Variants in FGF12 observed in about 807,000 individuals in gnomAD.
The protein encoded by FGF12 is fibroblast growth factor 12.
FGF12 carries 14 observed loss-of-function variants against 23.6 expected under a neutral mutation model. The observed-to-expected ratio is 0.59, with a 90% CI of 0.39 to 0.93. FGF12 has a LOEUF of 0.93. Among genes scored for constraint, FGF12 ranks in the 40% least tolerant of loss-of-function variants. The pLI is 0.00. For missense variants in FGF12, 175 were observed against 217.8 expected, an observed-to-expected ratio of 0.80 and a Z score of 1.24; for synonymous variants, 62 against 77.3, an observed-to-expected ratio of 0.80 and a Z score of 1.04.
chr3:192,393,296 G>A (rs77478493), intron 2 of FGF12, among the ~76,000 whole-genome samples: 1,661 of 152,290 alleles, frequency 0.011, 31 homozygotes, highest in African/African-American at 0.037. Context: ...CAGTAAACTA[G>A]CCAGTGATTC....
rs536030003 is a variant in FGF12, at chr3:192,170,926, T to C, written c.229-270A>G. Among the ~76,000 whole-genome samples, 382 of 152,334 alleles carry C rather than the reference T, an allele frequency of 2.5e-3. 1 individual carries two copies. Among genetic ancestry groups the C allele is most frequent in the Non-Finnish European group, 4.8e-3 (329 of 68,022 alleles). On this transcript the variant is annotated intron_variant, in intron 4 of 5. Coordinates refer to ENST00000445105, the MANE Select transcript of FGF12 (RefSeq NM_004113.6). ...AATCATTCAGGACTGTGGCCAAGTC[T>C]GCGCTCCGATCCTAGCAATATGTTT... is the stretch of plus-strand genomic sequence containing the variant.
chr3:192,447,163 G>C (rs1297759777), intron 2 of FGF12, among the ~76,000 whole-genome samples: 2 of 152,180 alleles, frequency 1.3e-5, no homozygotes, highest in Non-Finnish European at 2.9e-5. Flanking sequence ...CCACTCATTT[G>C]TTGCTGTGTT....
Position 192,170,445 on chromosome 3 carries a change from G to A in FGF12, c.427+13C>T. On this transcript the variant is annotated intron_variant, in intron 5 of 5. Coordinates refer to ENST00000445105, the MANE Select transcript of FGF12 (RefSeq NM_004113.6). Reference sequence around the variant, plus strand: ...GATAAGGGTCCAACAAAGACAGTCAGTTGGTTTCATACCTTCAATAGGTTT... The same window carrying A: ...GATAAGGGTCCAACAAAGACAGTCAATTGGTTTCATACCTTCAATAGGTTT... The A allele has an allele frequency of 6.2e-7, 1 of 1,611,820 alleles. No homozygotes were observed. Among genetic ancestry groups the A allele is most frequent in the Non-Finnish European group, 8.5e-7 (1 of 1,178,178 alleles).
intron 3 of FGF12, among the ~76,000 whole-genome samples, chr3:192,338,534 T>C (rs916105996): frequency 5.9e-5 from 9 of 152,138 alleles, no homozygotes; most frequent in African/African-American, 2.2e-4. Flanking sequence ...CATAAAGGTG[T>C]CCTTTGTGCC....
At chr3:192,162,233 A>G (rs1013203415) in intron 5 of FGF12, among the ~76,000 whole-genome samples, 1 of 152,100 alleles carries the variant, frequency 6.6e-6, no homozygotes, top group African/African-American at 2.4e-5. Context: ...TCACACCTGA[A>G]TTAATGTTAC....
At chr3:192,543,988 A>G (rs1725435293) in intron 2 of FGF12, among the ~76,000 whole-genome samples, 1 of 152,168 alleles carries the variant, frequency 6.6e-6, no homozygotes, top group Non-Finnish European at 1.5e-5. Flanking sequence ...TGGGGAACGG[A>G]TAGTGCAAGC....
At chr3:192,604,857 T>C (rs4624516) in intron 2 of FGF12, among the ~76,000 whole-genome samples, 22,958 of 152,038 alleles carry the variant, frequency 0.15, 1,766 homozygotes, top group Middle Eastern at 0.19. Flanking sequence ...ACAAAGCAGA[T>C]ATAGACCAAT....
chr3:192,524,705 G>A (rs1724900289), intron 2 of FGF12, among the ~76,000 whole-genome samples: 2 of 152,146 alleles, frequency 1.3e-5, no homozygotes, highest in African/African-American at 2.4e-5. Flanking sequence ...CACATACCAG[G>A]CAAAAGGCAC....
intron 4 of FGF12, among the ~76,000 whole-genome samples, chr3:192,249,810 G>A (rs1280433362): frequency 2.0e-5 from 3 of 152,142 alleles, no homozygotes; most frequent in Non-Finnish European, 2.9e-5. Context: ...TGAACAATGA[G>A]GCAATCATTA....
At chr3:192,169,884 G>C in intron 5 of FGF12, among the ~76,000 whole-genome samples, 1 of 150,360 alleles carries the variant, frequency 6.7e-6, no homozygotes, top group East Asian at 2.0e-4. Context: ...TGAAATAAAT[G>C]AACAGAGAAT....
At chr3:192,410,155 G>A (rs572097985) in intron 2 of FGF12, among the ~76,000 whole-genome samples, 34 of 152,236 alleles carry the variant, frequency 2.2e-4, no homozygotes, top group Admixed American at 1.4e-3. Flanking sequence ...GAGCGCCCAG[G>A]TGGGGCCGAG....
intron 4 of FGF12, among the ~76,000 whole-genome samples, chr3:192,308,680 C>T (rs1372482274): frequency 7.7e-6 from 1 of 129,714 alleles, no homozygotes; most frequent in South Asian, 2.5e-4. Flanking sequence ...AACTCCATCT[C>T]AAAAAAAAAA....
chr3:192,329,714 C>T (rs1255055291), intron 4 of FGF12, among the ~76,000 whole-genome samples: 1 of 152,072 alleles, frequency 6.6e-6, no homozygotes, highest in South Asian at 2.1e-4. Context: ...TTGTCAAAAA[C>T]TTTTAAAACT....
intron 2 of FGF12, among the ~76,000 whole-genome samples, chr3:192,587,066 T>C (rs1713404700): frequency 6.6e-6 from 1 of 152,154 alleles, no homozygotes; most frequent in African/African-American, 2.4e-5. Context: ...AAAGCTATAG[T>C]TTAAAGCAAT....
In FGF12 at chr3:192,641,397, G is replaced by C. The variant is rs1177055051; in HGVS notation, c.13+85784C>G. ...TGGGATTACAGGCGTGAGCCACCGC[G>C]CCCGGCCTTTTTTTTTTTTTTTTTG... is the stretch of plus-strand genomic sequence containing the variant. On this transcript the variant is annotated intron_variant, in intron 2 of 5. Transcript: ENST00000445105. Among the ~76,000 whole-genome samples the C allele has an allele frequency of 8.1e-5, 3 of 36,994 alleles. 1 individual carries two copies. Among genetic ancestry groups the C allele is most frequent in the African/African-American group, 2.6e-4 (3 of 11,422 alleles). 24.3% of individuals were successfully genotyped at this position (36,994 alleles called of 152,430 possible). A position where few individuals can be genotyped will look rare whatever the true frequency, so the allele number is the denominator to read the frequency against.
At chr3:192,350,740 C>T (rs542003417) in intron 3 of FGF12, among the ~76,000 whole-genome samples, 90 of 152,128 alleles carry the variant, frequency 5.9e-4, no homozygotes, top group Non-Finnish European at 9.0e-4. Context: ...AAGGAGACAA[C>T]GGGTGAGATT....
chr3:192,396,162 T>C (rs1332467514), intron 2 of FGF12, among the ~76,000 whole-genome samples: 4 of 152,154 alleles, frequency 2.6e-5, no homozygotes, highest in African/African-American at 4.8e-5. Context: ...AATATAGACA[T>C]TAAAGGAGAA....
intron 5 of FGF12, among the ~76,000 whole-genome samples, chr3:192,158,398 T>G (rs1714619096): frequency 2.6e-5 from 1 of 38,726 alleles, no homozygotes; most frequent in East Asian, 7.0e-4. Flanking sequence ...TTTCTCTCTC[T>G]TTCTTTTTCT....
chr3:192,419,833 C>G (rs1480183043), intron 2 of FGF12, among the ~76,000 whole-genome samples: 1 of 152,096 alleles, frequency 6.6e-6, no homozygotes, highest in Non-Finnish European at 1.5e-5. Flanking sequence ...GGAAAGAAAG[C>G]ACAGAGCTAA....
Sources: allele counts gnomAD v4.1 joint callset (sites outside exome capture counted in the v4.1 genomes callset), GRCh38; gene constraint gnomAD v4.1.1; transcripts MANE v1.5; gene names NCBI Gene and HGNC (gene_info 2026-07-23, HGNC 2026-07-21).